PTCSC3: variants seen among roughly 807,000 people sequenced by gnomAD.
The protein encoded by PTCSC3 is papillary thyroid carcinoma susceptibility candidate 3 (non-protein coding).
intron 3 of PTCSC3, among the ~76,000 whole-genome samples, chr14:36,150,840 G>A (rs1234379653): frequency 6.6e-6 from 1 of 151,982 alleles, no homozygotes; most frequent in African/African-American, 2.4e-5. Context: ...TATAACATTG[G>A]TGCATTTATT....
chr14:36,135,939 ATATT>A (rs748968490), downstream of PTCSC3, among the ~76,000 whole-genome samples: 121 of 151,450 alleles, frequency 8.0e-4, no homozygotes, highest in African/African-American at 2.9e-3. Context: ...GTATATATAT[ATATT>A]TATGTATTAA....
intron 2 of PTCSC3, among the ~76,000 whole-genome samples, chr14:36,160,929 T>G (rs1167025694): frequency 2.0e-5 from 3 of 152,190 alleles, no homozygotes; most frequent in Non-Finnish European, 4.4e-5. Context: ...TTCCTTTTTA[T>G]TCTTTTTTCT....
chr14:36,138,014 A>T (rs754251820), intron 3 of PTCSC3, among the ~76,000 whole-genome samples: 1 of 152,138 alleles, frequency 6.6e-6, no homozygotes, highest in East Asian at 1.9e-4. Context: ...TTAAGTGTGA[A>T]CCCTGGATCA....
intron 1 of PTCSC3, among the ~76,000 whole-genome samples, chr14:36,169,909 A>G (rs1197195654): frequency 6.6e-6 from 1 of 152,166 alleles, no homozygotes; most frequent in Non-Finnish European, 1.5e-5. Flanking sequence ...TAGATTTACA[A>G]TAAATACTTA....
chr14:36,159,824 A>G (rs1280930250), intron 2 of PTCSC3, among the ~76,000 whole-genome samples: 1 of 150,856 alleles, frequency 6.6e-6, no homozygotes, highest in African/African-American at 2.4e-5. Flanking sequence ...TAATATTGAC[A>G]GTGTTAGTCT....
intron 3 of PTCSC3, among the ~76,000 whole-genome samples, chr14:36,147,892 C>A (rs1272127028): frequency 1.3e-5 from 2 of 151,942 alleles, no homozygotes; most frequent in African/African-American, 2.4e-5. Context: ...ACAGGACCCT[C>A]AGCTGCAGGT....
chr14:36,136,054 G>A (rs1212637429), downstream of PTCSC3: 2 of 152,256 alleles, frequency 1.3e-5, no homozygotes, highest in Non-Finnish European at 2.9e-5. Flanking sequence ...CTTGGAGTCT[G>A]ATGTTCAAGG....
At chr14:36,169,114 A>G (rs1882148071) in intron 1 of PTCSC3, among the ~76,000 whole-genome samples, 1 of 152,182 alleles carries the variant, frequency 6.6e-6, no homozygotes, top group Non-Finnish European at 1.5e-5. Context: ...AGGGGACCAA[A>G]CCTGCTACTT....
At chr14:36,145,990 C>A (rs1004236560) in intron 3 of PTCSC3, among the ~76,000 whole-genome samples, 2 of 152,056 alleles carry the variant, frequency 1.3e-5, no homozygotes, top group African/African-American at 4.8e-5. Context: ...GATTCTTAAT[C>A]CTGAGTTCTA....
At chr14:36,138,186 A>AG (rs1881332702) in intron 3 of PTCSC3, among the ~76,000 whole-genome samples, 1 of 151,708 alleles carries the variant, frequency 6.6e-6, no homozygotes, top group African/African-American at 2.4e-5. Flanking sequence ...TGGGGGAAAA[A>AG]TGAATCTTAG....
intron 3 of PTCSC3, among the ~76,000 whole-genome samples, chr14:36,136,626 C>T (rs146991660): frequency 2.0e-4 from 30 of 152,030 alleles, no homozygotes; most frequent in African/African-American, 7.0e-4. Context: ...TTCTATTTAC[C>T]CAGTAATTAT....
chr14:36,168,665 T>C (rs1456614937), intron 1 of PTCSC3, among the ~76,000 whole-genome samples: 1 of 152,032 alleles, frequency 6.6e-6, no homozygotes, highest in Non-Finnish European at 1.5e-5. Context: ...ACCCAGGCTG[T>C]AGTGCAGTGG....
downstream of PTCSC3, among the ~76,000 whole-genome samples, chr14:36,135,022 TGAA>T (rs879898782): frequency 1.8e-4 from 28 of 152,274 alleles, no homozygotes; most frequent in African/African-American, 2.6e-4. Context: ...ATGTGAAAGG[TGAA>T]GAAGAAGTAC....
At chr14:36,138,556 G>A (rs1881340076) in intron 3 of PTCSC3, among the ~76,000 whole-genome samples, 1 of 152,132 alleles carries the variant, frequency 6.6e-6, no homozygotes, top group African/African-American at 2.4e-5. Context: ...AAGAAGATAT[G>A]TGAATGACCA....
At chr14:36,149,167 GC>G (rs1345432591) in intron 3 of PTCSC3, among the ~76,000 whole-genome samples, 26 of 151,846 alleles carry the variant, frequency 1.7e-4, no homozygotes, top group African/African-American at 6.3e-4. Flanking sequence ...TGTTCTTGCT[GC>G]ATTCTGCACA....
In PTCSC3 at chr14:36,168,360, A is replaced by AATATATATATATAT. The variant is rs147400390; in HGVS notation, n.172-5691_172-5678dup. ...TTGGGAGTTTAAACTATTGATTCTG[A>AATATATATATATAT]ATATATATATATATATATATATATA... On this transcript the variant is annotated intron_variant and non_coding_transcript_variant, in intron 1 of 3. Transcript: ENST00000556013. 2.2e-3 allele frequency among the ~76,000 whole-genome samples: 252 copies of AATATATATATATAT among 113,814 alleles called. 1 individual carries two copies. Among genetic ancestry groups the AATATATATATATAT allele is most frequent in the African/African-American group, 6.5e-3 (149 of 22,870 alleles). 74.7% of individuals were successfully genotyped at this position (113,814 alleles called of 152,430 possible).
chr14:36,159,932 G>A (rs1210989293), intron 2 of PTCSC3, among the ~76,000 whole-genome samples: 1 of 152,126 alleles, frequency 6.6e-6, no homozygotes, highest in Non-Finnish European at 1.5e-5. Flanking sequence ...TATATATTTA[G>A]GATAGTTAGC....
At position 36,162,258 on chromosome 14, in the gene PTCSC3, GAAAAAAAAAAAA is replaced by G. The variant is rs58223160; in HGVS notation, n.231+354_231+365del. On this transcript the variant is annotated intron_variant and non_coding_transcript_variant, in intron 2 of 3. Transcript: ENST00000556013. ...GCGTTCCAGGAGCTGCTGGGGTATGGAAAAAAAAAAAAAAAAAAAAAAAAAAACTCCTGCAGC... is the reference window on the plus strand; with the variant it reads ...GCGTTCCAGGAGCTGCTGGGGTATGGAAAAAAAAAAAAAAACTCCTGCAGC... Among the ~76,000 whole-genome samples, 478 of 106,554 alleles carry G rather than the reference GAAAAAAAAAAAA, an allele frequency of 4.5e-3. 6 individuals are homozygous for G. The highest frequency in any genetic ancestry group is 0.021 in the African/African-American group (446 of 20,784). 69.9% of individuals were successfully genotyped at this position (106,554 alleles called of 152,430 possible).
chr14:36,170,553 T>C (rs2139113433), intron 1 of PTCSC3, among the ~76,000 whole-genome samples: 1 of 152,278 alleles, frequency 6.6e-6, no homozygotes, highest in East Asian at 1.9e-4. Flanking sequence ...CTATTCAGCA[T>C]TGTGGTGCCT....
Sources: allele counts gnomAD v4.1 joint callset (sites outside exome capture counted in the v4.1 genomes callset), GRCh38; gene constraint gnomAD v4.1.1; transcripts MANE v1.5; gene names NCBI Gene and HGNC (gene_info 2026-07-23, HGNC 2026-07-21).